GABRG1: variants seen among roughly 807,000 people sequenced by gnomAD.
The protein encoded by GABRG1 is gamma-aminobutyric acid receptor subunit gamma-1.
In GABRG1, 49 loss-of-function variants were observed where a neutral mutation model predicts 49.8. That is an observed-to-expected ratio of 0.98 (90% CI 0.78 to 1.25). GABRG1 has a LOEUF of 1.25. Ranked by LOEUF, GABRG1 falls within the 50% of genes most tolerant of loss-of-function variation. The pLI, the probability that GABRG1 is intolerant of heterozygous loss-of-function variation, is 0.00. For synonymous variants in GABRG1, 232 were observed against 185.1 expected (o/e 1.25, Z -2.06); for missense variants, 552 against 552.3 (o/e 1.00, Z 0.01).
At chr4:46,071,701 A>C (rs978477930) in intron 3 of GABRG1, among the ~76,000 whole-genome samples, 1 of 151,736 alleles carries the variant, frequency 6.6e-6, no homozygotes, top group African/African-American at 2.4e-5. Flanking sequence ...TAGGATTTTT[A>C]GTTTTTAACA....
chr4:46,061,763 G>A (rs541105726), intron 5 of GABRG1, among the ~76,000 whole-genome samples: 43 of 147,132 alleles, frequency 2.9e-4, no homozygotes, highest in Non-Finnish European at 4.3e-4. Context: ...GGAATGAAGA[G>A]TTAAAAATAC....
At chr4:46,074,520 C>T (rs1719252712) in intron 3 of GABRG1, among the ~76,000 whole-genome samples, 1 of 152,078 alleles carries the variant, frequency 6.6e-6, no homozygotes. Flanking sequence ...AAGCTAGGTA[C>T]CCCTACCAGG....
At chr4:46,063,637 A>G (rs1040473784) in intron 5 of GABRG1, among the ~76,000 whole-genome samples, 5 of 152,170 alleles carry the variant, frequency 3.3e-5, no homozygotes, top group Non-Finnish European at 7.3e-5. Flanking sequence ...CTTCATGTCT[A>G]AAACACCAAA....
chr4:46,043,025 G>A (rs1394218098), intron 8 of GABRG1, among the ~76,000 whole-genome samples: 3 of 151,734 alleles, frequency 2.0e-5, no homozygotes, highest in Non-Finnish European at 4.4e-5. Context: ...AGAGAGAGAC[G>A]AATTGGTACC....
chr4:46,063,364 A>C (rs76921205), intron 5 of GABRG1, among the ~76,000 whole-genome samples: 2 of 151,404 alleles, frequency 1.3e-5, no homozygotes, highest in Non-Finnish European at 2.9e-5. Flanking sequence ...AAATAACGCC[A>C]CATATCTACA....
intron 3 of GABRG1, among the ~76,000 whole-genome samples, chr4:46,069,342 T>G (rs939270905): frequency 6.6e-6 from 1 of 152,056 alleles, no homozygotes; most frequent in South Asian, 2.1e-4. Context: ...AATGGAGCTA[T>G]AGACATGTAG....
chr4:46,056,150 T>TAAAAAAAAAAAAAAA lies in GABRG1; in HGVS notation c.916+2066_916+2067insTTTTTTTTTTTTTTT, dbSNP rs1491407033. On this transcript the variant is annotated intron_variant, in intron 7 of 8. Transcript: ENST00000295452. ...AAAAAAAAAAAAATAAATAAATAAATTAAAAAAAAAAAAAAAAAAAAAAAA... is the reference window on the plus strand; with the variant it reads ...AAAAAAAAAAAAATAAATAAATAAATAAAAAAAAAAAAAAATAAAAAAAAAAAAAAAAAAAAAAAA... Among the ~76,000 whole-genome samples, 10 of 46,064 alleles carry TAAAAAAAAAAAAAAA rather than the reference T, an allele frequency of 2.2e-4. 1 individual carries two copies. The highest frequency in any genetic ancestry group is 1.4e-3 in the South Asian group (1 of 726). 30.2% of individuals were successfully genotyped at this position (46,064 alleles called of 152,430 possible).
intron 3 of GABRG1, among the ~76,000 whole-genome samples, chr4:46,080,558 G>A (rs149537235): frequency 1.3e-4 from 19 of 151,738 alleles, no homozygotes; most frequent in South Asian, 6.2e-4. Context: ...ACTGTTGAAG[G>A]TTACAAGTGT....
At chr4:46,105,271 G>A (rs938187307) in intron 1 of GABRG1, among the ~76,000 whole-genome samples, 2 of 151,118 alleles carry the variant, frequency 1.3e-5, no homozygotes, top group South Asian at 2.1e-4. Flanking sequence ...ACTGACTTGC[G>A]AAAGAAAATT....
At chr4:46,050,622 A>T (rs1718177537) in intron 8 of GABRG1, among the ~76,000 whole-genome samples, 1 of 151,818 alleles carries the variant, frequency 6.6e-6, no homozygotes, top group South Asian at 2.1e-4. Flanking sequence ...CTATTTTTTT[A>T]AGCCCTGTGA....
chr4:46,036,354 A>G lies in GABRG1; in HGVS notation c.*4634T>C, dbSNP rs1465484035. On this transcript the variant is annotated 3_prime_UTR_variant, in exon 9 of 9. Transcript: ENST00000295452. ...TTAGAAAACTGGAAATGGTTATTTG[A>G]ATAGAAAACTCTTTTAGTGAGGAAC... The G allele has an allele frequency of 6.6e-6, 1 of 151,870 alleles. No homozygotes were observed. The highest frequency in any genetic ancestry group is 1.9e-4 in the East Asian group (1 of 5,186). 9.4% of individuals were successfully genotyped at this position (151,870 alleles called of 1,614,324 possible). A position where few individuals can be genotyped will look rare whatever the true frequency, so the allele number is the denominator to read the frequency against.
intron 2 of GABRG1, among the ~76,000 whole-genome samples, chr4:46,093,110 A>C (rs575050183): frequency 1.9e-3 from 292 of 151,826 alleles, no homozygotes; most frequent in African/African-American, 6.5e-3. Flanking sequence ...CTCAAAGAAA[A>C]CACATATAGA....
Position 46,097,436 on chromosome 4 carries a change from A to G in GABRG1, c.105-87T>C. ...TAGTTTAAGTATGTTACAATTGAGT[A>G]AGAAAGTAATAATGGCAGACAAAAA... On this transcript the variant is annotated intron_variant, in intron 1 of 8. Coordinates refer to ENST00000295452, the MANE Select transcript of GABRG1 (RefSeq NM_173536.4). 3.9e-6 allele frequency: 5 copies of G among 1,294,268 alleles called. No individual in the cohort carries two copies. The South Asian group carries it at 7.6e-5, about 20-fold the overall frequency. 80.2% of individuals were successfully genotyped at this position (1,294,268 alleles called of 1,614,324 possible).
rs565165135 is a variant in GABRG1 at position 46,060,506 on chromosome 4, C to T, written c.626-1884G>A. Among the ~76,000 whole-genome samples, 3 of 152,174 alleles carry T rather than the reference C, an allele frequency of 2.0e-5. No individual in the cohort carries two copies. In the East Asian group the frequency reaches 5.8e-4, roughly 30 times the overall value. ...GTTTGTAGCTAAAAAGTTCTTTCTA[C>T]GTATGGTCACATACATGTTTTAGAA... On this transcript the variant is annotated intron_variant, in intron 5 of 8. Transcript: ENST00000295452.
At chr4:46,115,088 T>C (rs542099428) in intron 1 of GABRG1, among the ~76,000 whole-genome samples, 3 of 151,014 alleles carry the variant, frequency 2.0e-5, no homozygotes, top group South Asian at 2.1e-4. Flanking sequence ...TGTAACAGGT[T>C]AAAACCATTA....
intron 8 of GABRG1, among the ~76,000 whole-genome samples, chr4:46,048,725 G>A (rs1041526362): frequency 6.6e-6 from 1 of 151,406 alleles, no homozygotes; most frequent in Non-Finnish European, 1.5e-5. Context: ...AATAGAAAGC[G>A]AGCAAAAAAG....
intron 2 of GABRG1, among the ~76,000 whole-genome samples, chr4:46,091,629 G>T (rs1443358694): frequency 6.6e-6 from 1 of 152,012 alleles, no homozygotes; most frequent in Non-Finnish European, 1.5e-5. Context: ...GGGAAATTAG[G>T]TCGGTAATAA....
At chr4:46,098,612 A>C (rs1720269721) in intron 1 of GABRG1, among the ~76,000 whole-genome samples, 1 of 151,798 alleles carries the variant, frequency 6.6e-6, no homozygotes, top group Non-Finnish European at 1.5e-5. Context: ...AAGCATGAGA[A>C]TACAAGAGAA....
intron 2 of GABRG1, among the ~76,000 whole-genome samples, chr4:46,087,925 C>T (rs1475645358): frequency 6.6e-6 from 1 of 151,974 alleles, no homozygotes; most frequent in Admixed American, 6.6e-5. Flanking sequence ...CTGTCTAATA[C>T]TGTAGCCAGT....
Sources: gnomAD v4.1 joint callset for allele counts (sites outside exome capture counted in the v4.1 genomes callset) on GRCh38, gnomAD v4.1.1 for gene constraint, MANE v1.5 for transcripts, NCBI Gene and HGNC (gene_info 2026-07-23, HGNC 2026-07-21) for gene names.